The following AKAP13 variants were observed in gnomAD, a reference collection of about 807,000 sequenced individuals.
AKAP13 encodes A-kinase anchor protein 13.
A neutral mutation model predicts 264.5 loss-of-function variants in AKAP13; 80 were observed. That is an observed-to-expected ratio of 0.30 (90% confidence interval 0.25 to 0.36). The LOEUF is 0.36. Ranked by LOEUF, AKAP13 falls within the 10% of genes least tolerant of loss-of-function variation. The pLI, the probability that AKAP13 is intolerant of heterozygous loss-of-function variation, is 1.00. For synonymous variants in AKAP13, 1,380 were observed against 1,250.2 expected, an observed-to-expected ratio of 1.10 and a Z score of -2.19; for missense variants, 3,712 against 3,435.2, an observed-to-expected ratio of 1.08 and a Z score of -2.01.
At chr15:85,409,318 AAG>A (rs1258474935) in intron 1 of AKAP13, among the ~76,000 whole-genome samples, 2 of 151,168 alleles carry the variant, frequency 1.3e-5, no homozygotes, top group African/African-American at 2.5e-5. Flanking sequence ...GCTGGGATGA[AAG>A]AGTGCACCAC....
intron 1 of AKAP13, among the ~76,000 whole-genome samples, chr15:85,479,721 T>A (rs1008557536): frequency 6.6e-6 from 1 of 152,170 alleles, no homozygotes; most frequent in Non-Finnish European, 1.5e-5. Context: ...ACAGAAGGGT[T>A]TCCAGTTTGT....
chr15:85,445,058 A>G (rs1024742041), intron 1 of AKAP13, among the ~76,000 whole-genome samples: 1 of 152,140 alleles, frequency 6.6e-6, no homozygotes, highest in Admixed American at 6.6e-5. Context: ...CACCTTCCAT[A>G]TGCTTATTCA....
intron 1 of AKAP13, among the ~76,000 whole-genome samples, chr15:85,439,152 G>C (rs1022900740): frequency 6.6e-5 from 10 of 152,050 alleles, no homozygotes; most frequent in African/African-American, 1.9e-4. Context: ...ATCAAAAAGT[G>C]GGCGAAGGAC....
chr15:85,721,485 C>T (rs2087279328), intron 23 of AKAP13, among the ~76,000 whole-genome samples: 1 of 152,128 alleles, frequency 6.6e-6, no homozygotes, highest in South Asian at 2.1e-4. Flanking sequence ...ATTGAGATTG[C>T]ACACATTTGG....
At position 85,515,633 on chromosome 15, in the gene AKAP13, C is replaced by G. The variant is rs915001092; in HGVS notation, c.34-5795C>G. On this transcript the variant is annotated intron_variant, in intron 2 of 36. Transcript: ENST00000394518. The stretch of plus-strand genomic sequence containing the variant: ...TCTTCTTTACTCTGGAACAGGACCT[C>G]AATCTTTGTCTTTTGTTAATGACAT... Among the ~76,000 whole-genome samples, 5 of 138,474 alleles carry G rather than the reference C, an allele frequency of 3.6e-5. 2 individuals are homozygous for G. The highest frequency in any genetic ancestry group is 1.4e-4 in the African/African-American group (5 of 34,534). The allele number at this position is 138,474 out of a possible 152,430, so 90.8% of individuals were successfully genotyped here.
rs534389316 is a variant in AKAP13, at chr15:85,389,024, C to T, written c.-12+8226C>T. 3.3e-5 allele frequency among the ~76,000 whole-genome samples: 5 copies of T among 152,300 alleles called. No individual in the cohort carries two copies. The East Asian group carries it at 9.6e-4, about 29-fold the overall frequency. On this transcript the variant is annotated intron_variant, in intron 1 of 36. Coordinates refer to ENST00000394518, the MANE Select transcript of AKAP13 (RefSeq NM_007200.5). ...GTTTTCATTGAAGAATTGGGCTCTC[C>T]TTGAGGACTCTATTCTGGCAGTTGA...
chr15:85,442,503 TTATA>T (rs1445017119), intron 1 of AKAP13, among the ~76,000 whole-genome samples: 5 of 108,476 alleles, frequency 4.6e-5, no homozygotes, highest in Non-Finnish European at 5.6e-5. Context: ...ATATATTATA[TTATA>T]TATAATATAT....
chr15:85,387,896 T>G (rs1248410756), intron 1 of AKAP13, among the ~76,000 whole-genome samples: 1 of 152,176 alleles, frequency 6.6e-6, no homozygotes, highest in Non-Finnish European at 1.5e-5. Context: ...TTGCTGACCT[T>G]GGATCCTACA....
chr15:85,579,391 T>C lies in AKAP13; in HGVS notation c.1323T>C (p.Ser441=), dbSNP rs1473377674. 9.3e-6 allele frequency: 15 copies of C among 1,613,880 alleles called. No homozygotes were observed. Among genetic ancestry groups the C allele is most frequent in the Non-Finnish European group, 1.3e-5 (15 of 1,179,938 alleles). Residue 441 remains serine (S), a synonymous_variant, in exon 7 of 37, where the codon AGT becomes AGC. Coordinates refer to ENST00000394518, the MANE Select transcript of AKAP13 (RefSeq NM_007200.5). ...CCACAGACCAGGAGTCCCTGAGCAG[T>C]GGAGATGCTGTGCTTCAGAGAGACT... ...GMPTDQESLS[S]GDAVLQRDLV...
intron 8 of AKAP13, chr15:85,619,772 T>C: frequency 9.4e-7 from 1 of 1,068,200 alleles, no homozygotes; most frequent in Non-Finnish European, 1.1e-6. Flanking sequence ...CGGTGTTTGC[T>C]TCTCTTTCAG....
chr15:85,564,164 A>C (rs2078520787), intron 5 of AKAP13, among the ~76,000 whole-genome samples: 1 of 152,198 alleles, frequency 6.6e-6, no homozygotes, highest in Admixed American at 6.5e-5. Context: ...TTTAGTAAGT[A>C]ATAATAACAG....
intron 15 of AKAP13, among the ~76,000 whole-genome samples, chr15:85,684,200 C>T (rs2084768632): frequency 6.6e-6 from 1 of 152,050 alleles, no homozygotes; most frequent in Non-Finnish European, 1.5e-5. Flanking sequence ...GAATAGATTC[C>T]ATATAAAATA....
intron 10 of AKAP13, among the ~76,000 whole-genome samples, chr15:85,654,226 G>C (rs2082995929): frequency 1.3e-5 from 2 of 152,222 alleles, no homozygotes; most frequent in African/African-American, 4.8e-5. Flanking sequence ...CTTCCATTTA[G>C]ATATTTGTAA....
Position 85,514,748 on chromosome 15 carries a change from A to G in AKAP13, c.34-6680A>G. 1.5e-5 allele frequency among the ~76,000 whole-genome samples: 2 copies of G among 137,540 alleles called. 1 individual carries two copies. The allele number at this position is 137,540 out of a possible 152,430, so 90.2% of individuals were successfully genotyped here. ...GTTGTTTTAGCAGAGTAACTGGGCAAAGTGTTATCAATTGCCTATCAATTG... is the reference window on the plus strand; with the variant it reads ...GTTGTTTTAGCAGAGTAACTGGGCAGAGTGTTATCAATTGCCTATCAATTG... On this transcript the variant is annotated intron_variant, in intron 2 of 36. Coordinates refer to ENST00000394518, the MANE Select transcript of AKAP13 (RefSeq NM_007200.5).
Position 85,728,348 on chromosome 15 carries a change from G to A in AKAP13, c.7087+885G>A, listed in dbSNP as rs564656609. 2.0e-5 allele frequency among the ~76,000 whole-genome samples: 3 copies of A among 152,294 alleles called. No individual in the cohort carries two copies. The South Asian group carries it at 6.2e-4, about 32-fold the overall frequency. On this transcript the variant is annotated intron_variant, in intron 29 of 36. Transcript: ENST00000394518. ...GATAGCATTCTGTCTCACTGAGGGG[G>A]AAATTAAAAATATGGACAGCTTTAG...
chr15:85,704,698 C>A (rs1224811207), intron 17 of AKAP13, among the ~76,000 whole-genome samples: 4 of 152,104 alleles, frequency 2.6e-5, no homozygotes, highest in Non-Finnish European at 4.4e-5. Flanking sequence ...GGAAATCTAT[C>A]AAATAAATAA....
intron 21 of AKAP13, 122 bp downstream of exon 21, chr15:85,717,524 C>CTA: frequency 1.4e-6 from 1 of 714,260 alleles, no homozygotes; most frequent in Non-Finnish European, 2.3e-6. Context: ...TGAAGATTCT[C>CTA]TAAATTGTCA....
At chr15:85,524,665 A>C (rs12911225) in intron 3 of AKAP13, among the ~76,000 whole-genome samples, 21,401 of 152,068 alleles carry the variant, frequency 0.14, 1,819 homozygotes, top group South Asian at 0.34. Context: ...TTATCAAATC[A>C]ATATTTCCCT....
chr15:85,688,772 A>G (rs548169403), intron 16 of AKAP13, among the ~76,000 whole-genome samples: 1 of 152,338 alleles, frequency 6.6e-6, no homozygotes, highest in South Asian at 2.1e-4. Context: ...ATTATCACCG[A>G]CTGGCATAAG....
Sources: allele counts gnomAD v4.1 joint callset (sites outside exome capture counted in the v4.1 genomes callset), GRCh38; gene constraint gnomAD v4.1.1; transcripts MANE v1.5; gene names NCBI Gene and HGNC (gene_info 2026-07-23, HGNC 2026-07-21).